EXOC4: variants seen among roughly 807,000 people sequenced by gnomAD.
EXOC4 encodes the protein exocyst complex component 4, also known as SEC8-like 1.
A neutral mutation model predicts 107.2 loss-of-function variants in EXOC4; 71 were observed. That is an observed-to-expected ratio of 0.66 (90% CI 0.55 to 0.81). The LOEUF (loss-of-function observed/expected upper bound fraction) is 0.81, where lower values mean the gene tolerates loss of function less well. Ranked by LOEUF, EXOC4 falls within the 30% of genes least tolerant of loss-of-function variation. The probability of loss-of-function intolerance (pLI) is 0.00; values close to 1 mark genes in which losing one functional copy is unlikely to be tolerated. For synonymous variants in EXOC4, 456 were observed against 441.2 expected (o/e 1.03, Z -0.42); for missense variants, 1,108 against 1,189.6 (o/e 0.93, Z 1.01).
intron 9 of EXOC4, among the ~76,000 whole-genome samples, chr7:133,628,928 A>G (rs898415139): frequency 2.0e-5 from 3 of 152,230 alleles, no homozygotes; most frequent in African/African-American, 7.2e-5. Flanking sequence ...TGCAGCATGG[A>G]GCACTGCTTT....
At chr7:133,410,579 A>G (rs527632431) in intron 7 of EXOC4, among the ~76,000 whole-genome samples, 90 of 152,086 alleles carry the variant, frequency 5.9e-4, no homozygotes, top group Non-Finnish European at 9.7e-4. Flanking sequence ...GAAACCTTGG[A>G]TTTTTCCCTT....
At chr7:133,973,119 C>A (rs1010079934) in intron 14 of EXOC4, among the ~76,000 whole-genome samples, 33 of 152,214 alleles carry the variant, frequency 2.2e-4, no homozygotes, top group African/African-American at 7.7e-4. Context: ...CAGCTCTGTC[C>A]CTAGGCTACA....
intron 14 of EXOC4, among the ~76,000 whole-genome samples, chr7:133,953,409 G>T (rs909437789): frequency 7.9e-5 from 12 of 151,948 alleles, no homozygotes; most frequent in Non-Finnish European, 7.4e-5. Context: ...ACCAGACTGG[G>T]CAACACAGGG....
chr7:133,834,288 C>T (rs1797871848), intron 11 of EXOC4, among the ~76,000 whole-genome samples: 1 of 152,138 alleles, frequency 6.6e-6, no homozygotes, highest in Admixed American at 6.5e-5. Context: ...CATTCCTTAC[C>T]TTATTTGGAA....
chr7:133,991,405 T>G (rs1794257294), intron 14 of EXOC4, among the ~76,000 whole-genome samples: 1 of 152,168 alleles, frequency 6.6e-6, no homozygotes, highest in South Asian at 2.1e-4. Flanking sequence ...ATGTTGTCTC[T>G]TCACTTTGTT....
intron 5 of EXOC4, among the ~76,000 whole-genome samples, chr7:133,330,682 GTCCC>G (rs1284681886): frequency 6.6e-6 from 1 of 151,904 alleles, no homozygotes; most frequent in African/African-American, 2.4e-5. Context: ...GTCCCTCACA[GTCCC>G]TCACAGCTTC....
intron 7 of EXOC4, among the ~76,000 whole-genome samples, chr7:133,465,351 A>C (rs961247104): frequency 1.3e-5 from 2 of 152,188 alleles, no homozygotes; most frequent in Admixed American, 1.3e-4. Context: ...TAAGAGTGAA[A>C]GTAGAAATAA....
intron 2 of EXOC4, among the ~76,000 whole-genome samples, chr7:133,281,598 G>A (rs1247931380): frequency 6.6e-6 from 1 of 151,756 alleles, no homozygotes; most frequent in East Asian, 1.9e-4. Flanking sequence ...GTTTCAATGA[G>A]TTGTTTGCAC....
chr7:133,942,243 A>G (rs1800447589), intron 14 of EXOC4, among the ~76,000 whole-genome samples: 1 of 151,422 alleles, frequency 6.6e-6, no homozygotes, highest in Non-Finnish European at 1.5e-5. Flanking sequence ...TTGATTATAT[A>G]TTCTACTCCA....
chr7:133,326,503 G>A (rs1195298526), intron 5 of EXOC4, among the ~76,000 whole-genome samples: 1 of 152,202 alleles, frequency 6.6e-6, no homozygotes, highest in Admixed American at 6.5e-5. Flanking sequence ...GGTATCAGCA[G>A]CAGAGGCTGC....
intron 5 of EXOC4, among the ~76,000 whole-genome samples, chr7:133,338,039 G>C (rs1021953595): frequency 6.7e-6 from 1 of 150,126 alleles, no homozygotes; most frequent in South Asian, 2.1e-4. Context: ...GAAATAACTA[G>C]GATTTTGATT....
chr7:133,743,043 T>C (rs1795601158), intron 10 of EXOC4, among the ~76,000 whole-genome samples: 1 of 152,184 alleles, frequency 6.6e-6, no homozygotes, highest in Admixed American at 6.6e-5. Flanking sequence ...TGTACATGTG[T>C]GCTTCTGAAA....
chr7:133,515,128 A>C (rs1481295987), intron 9 of EXOC4, among the ~76,000 whole-genome samples: 1 of 152,048 alleles, frequency 6.6e-6, no homozygotes, highest in Non-Finnish European at 1.5e-5. Flanking sequence ...TTATATGTGG[A>C]ATATGGATTT....
chr7:133,494,156 G>A (rs1280159543), intron 9 of EXOC4, among the ~76,000 whole-genome samples: 1 of 152,130 alleles, frequency 6.6e-6, no homozygotes, highest in South Asian at 2.1e-4. Flanking sequence ...TCCTTTAACG[G>A]ATTGGGTAAT....
At chr7:134,046,553 AT>A (rs749917061) in intron 17 of EXOC4, among the ~76,000 whole-genome samples, 161 of 142,996 alleles carry the variant, frequency 1.1e-3, no homozygotes, top group South Asian at 2.5e-3. Context: ...ATTTTATTTG[AT>A]TTTTTTTTTT....
the EXOC4 span, among the ~76,000 whole-genome samples, chr7:134,093,622 A>G: frequency 1.8e-4 from 28 of 152,080 alleles, no homozygotes; most frequent in Admixed American, 1.4e-3. Flanking sequence ...CAGAATATAC[A>G]TTTTTCTCAT....
intron 10 of EXOC4, among the ~76,000 whole-genome samples, chr7:133,809,801 T>C (rs1215517040): frequency 6.6e-6 from 1 of 152,184 alleles, no homozygotes; most frequent in African/African-American, 2.4e-5. Flanking sequence ...AATGTACACA[T>C]TAAAAGACAT....
rs569084165 is a variant in EXOC4, at chr7:134,026,197, C to T, written c.2687+18362C>T. The stretch of plus-strand genomic sequence containing the variant: ...TATCAGCAAGATCGCTTCTTTTCTT[C>T]CTCCAACTCCTGCTTCTATTTGCAT... On this transcript the variant is annotated intron_variant, in intron 17 of 17. Transcript: ENST00000253861. 2.0e-5 allele frequency among the ~76,000 whole-genome samples: 3 copies of T among 151,994 alleles called. No homozygotes were observed. In the South Asian group the frequency reaches 6.2e-4, roughly 32 times the overall value.
chr7:133,385,147 G>A (rs1438512790), intron 7 of EXOC4, among the ~76,000 whole-genome samples: 6 of 152,218 alleles, frequency 3.9e-5, no homozygotes, highest in African/African-American at 1.4e-4. Context: ...TCTAAAGGGT[G>A]AAGGCTGCAG....
Sources: gnomAD v4.1 joint callset for allele counts (sites outside exome capture counted in the v4.1 genomes callset) on GRCh38, gnomAD v4.1.1 for gene constraint, MANE v1.5 for transcripts, NCBI Gene and HGNC (gene_info 2026-07-23, HGNC 2026-07-21) for gene names.